TMEM17: variants seen among roughly 807,000 people sequenced by gnomAD.
TMEM17 encodes transmembrane protein 17.
In TMEM17, 15 loss-of-function variants were observed where a neutral mutation model predicts 19.1. The observed-to-expected ratio is 0.78, with a 90% CI of 0.52 to 1.21. The LOEUF (loss-of-function observed/expected upper bound fraction) is 1.21. Among genes scored for constraint, TMEM17 ranks in the 50% most tolerant of loss-of-function variants. The pLI is 0.00. For missense variants in TMEM17, 245 were observed against 242.3 expected, an observed-to-expected ratio of 1.01 and a Z score of -0.07; for synonymous variants, 103 against 86.9, an observed-to-expected ratio of 1.19 and a Z score of -1.03.
At chr2:62,483,598 CA>C in the TMEM17 span, among the ~76,000 whole-genome samples, 12 of 115,470 alleles carry the variant, frequency 1.0e-4, no homozygotes, top group African/African-American at 1.9e-4. Context: ...TCCCAGGATA[CA>C]TTTTTTTTTT....
At chr2:62,484,872 T>C in the TMEM17 span, among the ~76,000 whole-genome samples, 1 of 152,186 alleles carries the variant, frequency 6.6e-6, no homozygotes, top group Non-Finnish European at 1.5e-5. Flanking sequence ...GAGAATTACA[T>C]AAAAATTCCT....
At chr2:62,475,242 C>A in the TMEM17 span, among the ~76,000 whole-genome samples, 2 of 152,252 alleles carry the variant, frequency 1.3e-5, no homozygotes, top group South Asian at 4.1e-4. Context: ...CAGGTCCTAG[C>A]ACAGATGCTA....
chr2:62,502,901 C>T (rs537060793), intron 1 of TMEM17, 107 bp from the exon 2 acceptor site: 2 of 552,800 alleles, frequency 3.6e-6, no homozygotes, highest in Admixed American at 3.8e-5. Context: ...CTCAGTAAAA[C>T]ACCAAATTTT....
At chr2:62,467,261 C>T in the TMEM17 span, among the ~76,000 whole-genome samples, 1 of 151,946 alleles carries the variant, frequency 6.6e-6, no homozygotes, top group Admixed American at 6.5e-5. Flanking sequence ...ACAGACATTC[C>T]CTGCCCATGA....
the TMEM17 span, among the ~76,000 whole-genome samples, chr2:62,468,260 C>G: frequency 6.6e-6 from 1 of 152,062 alleles, no homozygotes; most frequent in Admixed American, 6.5e-5. Context: ...CAGGGCTGAG[C>G]AAAGAGAGAA....
chr2:62,479,911 A>G, the TMEM17 span, among the ~76,000 whole-genome samples: 697 of 151,508 alleles, frequency 4.6e-3, 5 homozygotes, highest in African/African-American at 0.016. Context: ...AAAAAAAAAA[A>G]AAGATAAATT....
At chr2:62,475,533 G>T in the TMEM17 span, among the ~76,000 whole-genome samples, 1 of 152,220 alleles carries the variant, frequency 6.6e-6, no homozygotes, top group African/African-American at 2.4e-5. Context: ...CTCCGTGAGA[G>T]AAATTAACAG....
chr2:62,498,648 G>A (rs566377346), downstream of TMEM17, among the ~76,000 whole-genome samples: 861 of 139,672 alleles, frequency 6.2e-3, 9 homozygotes, highest in African/African-American at 0.021. Flanking sequence ...CCCGGGAGGC[G>A]GAGCTTGCAG....
At chr2:62,494,314 C>T in the TMEM17 span, among the ~76,000 whole-genome samples, 1 of 152,102 alleles carries the variant, frequency 6.6e-6, no homozygotes, top group African/African-American at 2.4e-5. Context: ...TTAGCAAGGG[C>T]TTATTGACCA....
the TMEM17 span, among the ~76,000 whole-genome samples, chr2:62,489,579 AG>A: frequency 1.3e-5 from 2 of 152,166 alleles, no homozygotes; most frequent in Admixed American, 1.3e-4. Flanking sequence ...TGCTTGCAAA[AG>A]GAAGAAATAT....
chr2:62,454,617 C>G, the TMEM17 span, among the ~76,000 whole-genome samples: 1 of 152,174 alleles, frequency 6.6e-6, no homozygotes, highest in Non-Finnish European at 1.5e-5. Context: ...AATGCAAATA[C>G]TCCTGTGAGG....
the TMEM17 span, among the ~76,000 whole-genome samples, chr2:62,460,151 T>G: frequency 6.6e-6 from 1 of 152,206 alleles, no homozygotes; most frequent in Non-Finnish European, 1.5e-5. Context: ...CAAGGTACTG[T>G]GTACTCTGGT....
the TMEM17 span, among the ~76,000 whole-genome samples, chr2:62,493,421 T>C: frequency 6.6e-6 from 1 of 152,206 alleles, no homozygotes; most frequent in African/African-American, 2.4e-5. Context: ...AGGGCTGGTA[T>C]GGTAAAGTTG....
chr2:62,475,456 A>G, the TMEM17 span, among the ~76,000 whole-genome samples: 2 of 152,340 alleles, frequency 1.3e-5, no homozygotes, highest in Middle Eastern at 3.4e-3. Context: ...CCTTGCTTCA[A>G]CAAGTCACGC....
At chr2:62,493,043 T>C in the TMEM17 span, among the ~76,000 whole-genome samples, 1 of 152,290 alleles carries the variant, frequency 6.6e-6, no homozygotes, top group Non-Finnish European at 1.5e-5. Context: ...TTGTTTGTTT[T>C]GTTTTTGATA....
At chr2:62,464,087 C>A in the TMEM17 span, 3 of 152,232 alleles carry the variant, frequency 2.0e-5, no homozygotes, top group African/African-American at 7.2e-5. Flanking sequence ...GTTCATGTGA[C>A]TTCATTATTC....
At chr2:62,460,107 C>T in the TMEM17 span, among the ~76,000 whole-genome samples, 1 of 152,224 alleles carries the variant, frequency 6.6e-6, no homozygotes, top group Non-Finnish European at 1.5e-5. Flanking sequence ...TCTTCTACAT[C>T]AGCCTGTAGA....
At chr2:62,456,810 TCTC>T in the TMEM17 span, among the ~76,000 whole-genome samples, 1 of 152,204 alleles carries the variant, frequency 6.6e-6, no homozygotes, top group Non-Finnish European at 1.5e-5. Context: ...TTCTGACTCA[TCTC>T]CTTTCTAGAA....
chr2:62,473,053 A>C, the TMEM17 span, among the ~76,000 whole-genome samples: 5 of 152,212 alleles, frequency 3.3e-5, no homozygotes, highest in East Asian at 7.7e-4. Flanking sequence ...AAACTTCAGG[A>C]TGCAGGAATC....
Sources: allele counts gnomAD v4.1 joint callset (sites outside exome capture counted in the v4.1 genomes callset), GRCh38; gene constraint gnomAD v4.1.1; transcripts MANE v1.5; gene names NCBI Gene and HGNC (gene_info 2026-07-23, HGNC 2026-07-21).